The following CADM2 variants were observed in gnomAD, a reference collection of about 807,000 sequenced individuals.
CADM2 encodes the protein cell adhesion molecule 2, also known as immunoglobulin superfamily member 4D.
Under a neutral mutation model 49.8 loss-of-function variants are expected in CADM2, and 12 were observed. That is an observed-to-expected ratio of 0.24 (90% CI 0.15 to 0.39). The LOEUF is 0.39. CADM2 is among the 10% of genes least tolerant of loss of function. The pLI, the probability that CADM2 is intolerant of heterozygous loss-of-function variation, is 1.00. For missense variants in CADM2, 378 were observed against 492.3 expected (o/e 0.77, Z 2.20); for synonymous variants, 214 against 175.4 (o/e 1.22, Z -1.74).
At chr3:85,385,371 G>A (rs1363985547) in intron 1 of CADM2, among the ~76,000 whole-genome samples, 1 of 152,206 alleles carries the variant, frequency 6.6e-6, no homozygotes, top group Non-Finnish European at 1.5e-5. Context: ...GAGGGAAAAT[G>A]TATAGATTAA....
intron 2 of CADM2, among the ~76,000 whole-genome samples, chr3:85,733,717 G>A (rs2068024338): frequency 6.6e-6 from 1 of 152,042 alleles, no homozygotes; most frequent in African/African-American, 2.4e-5. Context: ...ATCAGTTTAA[G>A]CATTGCTACT....
At chr3:85,628,997 T>C (rs1265249614) in intron 1 of CADM2, among the ~76,000 whole-genome samples, 1 of 151,742 alleles carries the variant, frequency 6.6e-6, no homozygotes, top group Non-Finnish European at 1.5e-5. Flanking sequence ...AGGAGTATAT[T>C]AGCAAAATTA....
Position 85,357,512 on chromosome 3 carries a change from T to C in CADM2, c.62-369010T>C, listed in dbSNP as rs572488994. Among the ~76,000 whole-genome samples the C allele has an allele frequency of 9.2e-5, 14 of 152,258 alleles. No individual in the cohort carries two copies. The East Asian group carries it at 2.7e-3, about 29-fold the overall frequency. On this transcript the variant is annotated intron_variant, in intron 1 of 9. Coordinates refer to ENST00000383699, the MANE Select transcript of CADM2 (RefSeq NM_001167675.2). ...CTAGTACTTTAAATATATAGTATTC[T>C]ATTTAAGTATTATATCCATCTAATT...
At chr3:85,743,839 G>A (rs2068496372) in intron 2 of CADM2, among the ~76,000 whole-genome samples, 2 of 152,058 alleles carry the variant, frequency 1.3e-5, no homozygotes, top group Admixed American at 1.3e-4. Flanking sequence ...AAGAGACATT[G>A]TAAGTCATAA....
intron 1 of CADM2, among the ~76,000 whole-genome samples, chr3:85,384,938 A>C (rs1233896613): frequency 1.3e-5 from 2 of 151,724 alleles, no homozygotes; most frequent in Non-Finnish European, 2.9e-5. Context: ...TTATTTATTT[A>C]TTTATTTATT....
At position 85,769,811 on chromosome 3, in the gene CADM2, T is replaced by A. The variant is rs192649372; in HGVS notation, c.89-32236T>A. ...GATTTTGACCTATAAGTAGAAAATATAGTATTTTGTGACATCTACATTTCA... is the reference window on the plus strand; with the variant it reads ...GATTTTGACCTATAAGTAGAAAATAAAGTATTTTGTGACATCTACATTTCA... On this transcript the variant is annotated intron_variant, in intron 2 of 9. Transcript: ENST00000383699. 3.7e-3 allele frequency among the ~76,000 whole-genome samples: 563 copies of A among 151,430 alleles called. 2 individuals are homozygous for A. The highest frequency in any genetic ancestry group is 6.4e-3 in the Non-Finnish European group (435 of 67,872).
intron 1 of CADM2, among the ~76,000 whole-genome samples, chr3:85,569,175 A>G (rs1576829008): frequency 6.6e-6 from 1 of 152,118 alleles, no homozygotes; most frequent in African/African-American, 2.4e-5. Flanking sequence ...TTTTGTTAAC[A>G]TATGCTGTAT....
chr3:85,920,568 A>G (rs1718971989), intron 6 of CADM2, among the ~76,000 whole-genome samples: 1 of 151,890 alleles, frequency 6.6e-6, no homozygotes, highest in East Asian at 1.9e-4. Flanking sequence ...AAAAATTTTT[A>G]ATTTTTTTCA....
At chr3:84,962,630 C>T (rs1169858645) in intron 1 of CADM2, among the ~76,000 whole-genome samples, 2 of 152,140 alleles carry the variant, frequency 1.3e-5, no homozygotes, top group East Asian at 1.9e-4. Flanking sequence ...CTGATTTTGG[C>T]TAGAGGGAGT....
chr3:85,809,951 T>A (rs1319303275), intron 3 of CADM2, among the ~76,000 whole-genome samples: 1 of 151,954 alleles, frequency 6.6e-6, no homozygotes, highest in African/African-American at 2.4e-5. Flanking sequence ...AGCAAGTGCA[T>A]GCATATTGAA....
chr3:85,195,583 A>G lies in CADM2; in HGVS notation c.61+235915A>G, dbSNP rs527262925. On this transcript the variant is annotated intron_variant, in intron 1 of 9. Coordinates refer to ENST00000383699, the MANE Select transcript of CADM2 (RefSeq NM_001167675.2). ...CACACACACACACACACATTTTGTA[A>G]TTGATTCAAAAAATGTCAGTAGAGC... Among the ~76,000 whole-genome samples the G allele has an allele frequency of 1.3e-4, 19 of 151,238 alleles. No homozygotes were observed. In the East Asian group the frequency reaches 3.1e-3, roughly 25 times the overall value.
chr3:85,236,480 G>C (rs1357080237), intron 1 of CADM2, among the ~76,000 whole-genome samples: 1 of 151,882 alleles, frequency 6.6e-6, no homozygotes, highest in Non-Finnish European at 1.5e-5. Context: ...ATTTTTAATG[G>C]TTTATTTTTA....
chr3:85,764,761 GT>G (rs772927562), intron 2 of CADM2, among the ~76,000 whole-genome samples: 2 of 152,042 alleles, frequency 1.3e-5, no homozygotes, highest in Non-Finnish European at 2.9e-5. Context: ...AATAATAATT[GT>G]TTATATTACT....
At chr3:85,509,785 A>G (rs950838916) in intron 1 of CADM2, among the ~76,000 whole-genome samples, 2 of 152,118 alleles carry the variant, frequency 1.3e-5, no homozygotes, top group African/African-American at 4.8e-5. Flanking sequence ...TTAAAATCAT[A>G]CTGCTTCCTG....
intron 8 of CADM2, among the ~76,000 whole-genome samples, chr3:86,020,025 C>A (rs1732908538): frequency 6.6e-6 from 1 of 152,036 alleles, no homozygotes; most frequent in Non-Finnish European, 1.5e-5. Context: ...ACACAAAAAA[C>A]CCTTCAAAAA....
At chr3:85,084,880 T>A (rs1337021742) in intron 1 of CADM2, among the ~76,000 whole-genome samples, 1 of 152,116 alleles carries the variant, frequency 6.6e-6, no homozygotes, top group Non-Finnish European at 1.5e-5. Context: ...TTATAGATTC[T>A]TAATGATAGG....
At chr3:86,026,620 C>T (rs145323518) in intron 8 of CADM2, among the ~76,000 whole-genome samples, 184 of 152,282 alleles carry the variant, frequency 1.2e-3, no homozygotes, top group Admixed American at 3.0e-3. Context: ...TGCCAACTGA[C>T]GCCTATTCAT....
At chr3:85,540,325 T>C (rs1019558739) in intron 1 of CADM2, among the ~76,000 whole-genome samples, 1 of 152,122 alleles carries the variant, frequency 6.6e-6, no homozygotes, top group Non-Finnish European at 1.5e-5. Context: ...TATTTTGACT[T>C]TTTTAGGTAC....
intron 3 of CADM2, among the ~76,000 whole-genome samples, chr3:85,841,176 T>G (rs1297576345): frequency 6.6e-6 from 1 of 151,806 alleles, no homozygotes; most frequent in East Asian, 1.9e-4. Flanking sequence ...CAGATAGAAA[T>G]TTGACAATTT....
Sources: allele counts gnomAD v4.1 joint callset (sites outside exome capture counted in the v4.1 genomes callset), GRCh38; gene constraint gnomAD v4.1.1; transcripts MANE v1.5; gene names NCBI Gene and HGNC (gene_info 2026-07-23, HGNC 2026-07-21).